RGS1: variants seen among roughly 807,000 people sequenced by gnomAD.
RGS1 encodes regulator of G protein signaling 1, also known as B-cell activation protein BL34.
A neutral mutation model predicts 22.2 loss-of-function variants in RGS1; 11 were observed. The ratio of observed to expected loss-of-function variants is 0.50; its 90% CI spans 0.31 to 0.82. The LOEUF (loss-of-function observed/expected upper bound fraction) is 0.82. Ranked by LOEUF, RGS1 falls within the 40% of genes least tolerant of loss-of-function variation. RGS1 has a pLI of 0.04. For missense variants in RGS1, 255 were observed against 245.8 expected (o/e 1.04, Z -0.25); for synonymous variants, 81 against 79.9 (o/e 1.01, Z -0.07).
chr1:192,576,774 A>T lies in RGS1; in HGVS notation c.219A>T (p.Val73=). 1 of 1,611,478 alleles carries T rather than the reference A, an allele frequency of 6.2e-7. No individual in the cohort carries two copies. The highest frequency in any genetic ancestry group is 8.5e-7 in the Non-Finnish European group (1 of 1,178,720). Residue 73 remains valine (V), a splice_region_variant and synonymous_variant, in exon 3 of 5, where the codon GTA becomes GTT. Coordinates refer to ENST00000367459, the MANE Select transcript of RGS1 (RefSeq NM_002922.4). Reference sequence around the variant, plus strand: ...TGTATGTACATTTTGTCCCCTGCAGACTTTCTGCTGCTGAAGTAATGCAAT... The same window carrying T: ...TGTATGTACATTTTGTCCCCTGCAGTCTTTCTGCTGCTGAAGTAATGCAAT... ...SGMKSSKSKD[V]LSAAEVMQWS...
chr1:192,576,961 A>G, intron 3 of RGS1, 126 bp downstream of exon 3: 1 of 757,474 alleles, frequency 1.3e-6, no homozygotes, highest in Non-Finnish European at 2.1e-6. Flanking sequence ...GTCTGTAGTT[A>G]CTGATAACTT....
intron 3 of RGS1, chr1:192,577,513 A>T (rs1042679760): frequency 6.6e-6 from 1 of 152,322 alleles, no homozygotes; most frequent in East Asian, 1.9e-4. Flanking sequence ...TTCTACTGAG[A>T]TTAGGACCTT....
rs1662050522 is a variant in RGS1 at position 192,575,909 on chromosome 1, A to C, written c.117A>C (p.Gln39His). 3 of 1,613,160 alleles carry C rather than the reference A, an allele frequency of 1.9e-6. No individual in the cohort carries two copies. The East Asian group carries it at 6.7e-5, about 36-fold the overall frequency. Residue 39 changes from glutamine (Q) to histidine (H), a missense_variant, in exon 1 of 5, where the codon CAA becomes CAC. Gln to His is a conservative substitution (Grantham distance 24). Transcript: ENST00000367459. ...ATTCACTTCTAGACGACAAAATGCA[A>C]AAAAGGAGGCCAAAGACTTTGTAAG... ...TTHSLLDDKM[Q>H]KRRPKTFGMD...
Position 192,576,835 on chromosome 1 carries a change from A to C in RGS1, c.280A>C (p.Thr94Pro). Residue 94 changes from threonine (T) to proline (P), a missense_variant and splice_region_variant, in exon 3 of 5, where the codon ACT becomes CCT. Coordinates refer to ENST00000367459, the MANE Select transcript of RGS1 (RefSeq NM_002922.4). The stretch of plus-strand genomic sequence containing the variant: ...TCTGGAAAAACTTCTTGCCAACCAA[A>C]GTAAGTATAACTATTGAATGTTTCT... ...QSLEKLLANQ[T>P]GQNVFGSFLK... is the part of the protein sequence containing the mutation. The C allele has an allele frequency of 6.2e-7, 1 of 1,610,948 alleles. No homozygotes were observed.
chr1:192,579,923 T>C lies in RGS1; in HGVS notation c.*601T>C, dbSNP rs1453965579. ...GTGCTAATAATAAATGTGGATTTTGTATTAAAATATATAGAAGCAATTTCT... is the reference window on the plus strand; with the variant it reads ...GTGCTAATAATAAATGTGGATTTTGCATTAAAATATATAGAAGCAATTTCT... On this transcript the variant is annotated 3_prime_UTR_variant, in exon 5 of 5. Coordinates refer to ENST00000367459, the MANE Select transcript of RGS1 (RefSeq NM_002922.4). The C allele has an allele frequency of 6.6e-6, 1 of 152,166 alleles. No individual in the cohort carries two copies. The highest frequency in any genetic ancestry group is 2.4e-5 in the African/African-American group (1 of 41,452). The allele number at this position is 152,166 out of a possible 1,614,324, so 9.4% of individuals were successfully genotyped here. A position where few individuals can be genotyped will look rare whatever the true frequency, so the allele number is the denominator to read the frequency against.
intron 2 of RGS1, 125 bp downstream of exon 2, chr1:192,576,490 A>C (rs1462420888): frequency 1.4e-6 from 1 of 696,084 alleles, no homozygotes; most frequent in Non-Finnish European, 2.4e-6. Context: ...GTAACATGCC[A>C]AATAAAATTA....
rs1291181378 is a variant in RGS1 at position 192,576,270 on chromosome 1, T to C, written c.138-15T>C. On this transcript the variant is annotated splice_polypyrimidine_tract_variant and intron_variant, in intron 1 of 4. Coordinates refer to ENST00000367459, the MANE Select transcript of RGS1 (RefSeq NM_002922.4). ...TCTGAAGAAATATGAATATTCACTT[T>C]TATGTCTTTTGTAGTGGAATGGATA... The C allele has an allele frequency of 5.8e-6, 9 of 1,553,102 alleles. No individual in the cohort carries two copies. The highest frequency in any genetic ancestry group is 3.5e-6 in the Non-Finnish European group (4 of 1,129,744).
intron 4 of RGS1, chr1:192,578,596 C>T: frequency 1.6e-6 from 1 of 619,562 alleles, no homozygotes. Context: ...ACTGATTTTA[C>T]AAAACCAGCT....
At position 192,579,200 on chromosome 1, in the gene RGS1, T is replaced by C; in HGVS notation, c.508T>C (p.Cys170Arg). 2 of 1,613,354 alleles carry C rather than the reference T, an allele frequency of 1.2e-6. No homozygotes were observed. Among genetic ancestry groups the C allele is most frequent in the Non-Finnish European group, 1.7e-6 (2 of 1,179,504 alleles). ...AKKIKAPTPT[C>R]FDEAQKVIYT... ...GAAGATTAAAGCACCAACCCCCACG[T>C]GTTTTGATGAAGCACAAAAAGTCAT... The change falls in exon 5 of 5, where the codon TGT becomes CGT. Residue 170 changes from cysteine (C) to arginine (R), a missense_variant. Transcript: ENST00000367459.
intron 3 of RGS1, chr1:192,577,744 A>T (rs1314423480): frequency 6.2e-6 from 1 of 160,532 alleles, no homozygotes; most frequent in African/African-American, 2.4e-5. Context: ...CATAATTAGT[A>T]CATCAGGCCT....
Position 192,578,420 on chromosome 1 carries a change from T to A in RGS1, c.444+35T>A, listed in dbSNP as rs547211722. ...AAGCTTATCATCATCAGTTTCTCCA[T>A]AAAAGACCCTATATGCAGAAATAAC... On this transcript the variant is annotated intron_variant, in intron 4 of 4. Transcript: ENST00000367459. 6.6e-5 allele frequency: 106 copies of A among 1,605,144 alleles called. 2 individuals carry two copies. The South Asian group carries it at 1.0e-3, about 16-fold the overall frequency.
At position 192,579,319 on chromosome 1, in the gene RGS1, G is replaced by A; in HGVS notation, c.627G>A (p.Lys209=). The part of the protein sequence containing the change: ...LLNDLQANSL[K] The stretch of plus-strand genomic sequence containing the variant: ...ATGACCTGCAGGCTAATAGCCTAAA[G>A]TGACTGGTCCCTGGCTGAAGGGAAT... Residue 209 remains lysine (K), a synonymous_variant, in exon 5 of 5, where the codon AAG becomes AAA. Transcript: ENST00000367459. The A allele has an allele frequency of 2.5e-6, 4 of 1,612,418 alleles. No individual in the cohort carries two copies. Among genetic ancestry groups the A allele is most frequent in the Non-Finnish European group, 3.4e-6 (4 of 1,179,046 alleles).
At position 192,578,172 on chromosome 1, in the gene RGS1, T is replaced by C. The variant is rs745812628; in HGVS notation, c.281-50T>C. The C allele has an allele frequency of 2.6e-6, 4 of 1,553,326 alleles. No individual in the cohort carries two copies. The African/African-American group carries it at 5.5e-5, about 22-fold the overall frequency. ...TTTCTTCTTCAAATTATTCATTTGT[T>C]GGTTCATTTAATTTAATTATCTCCC... is the stretch of plus-strand genomic sequence containing the variant. On this transcript the variant is annotated intron_variant, in intron 3 of 4. Coordinates refer to ENST00000367459, the MANE Select transcript of RGS1 (RefSeq NM_002922.4).
rs771355998 is a variant in RGS1 at position 192,578,452 on chromosome 1, T to C, written c.444+67T>C. 4.5e-6 allele frequency: 7 copies of C among 1,544,982 alleles called. No homozygotes were observed. In the East Asian group the frequency reaches 1.1e-4, roughly 25 times the overall value. On this transcript the variant is annotated intron_variant, in intron 4 of 4. Transcript: ENST00000367459. ...CCCTATATGCAGAAATAACATTTAA[T>C]ATATACAACAAGATAAAATCCTTTT...
chr1:192,577,054 G>T, intron 3 of RGS1: 1 of 409,740 alleles, frequency 2.4e-6, no homozygotes, highest in Non-Finnish European at 4.3e-6. Context: ...AGACAATTAG[G>T]TATTTTCATA....
chr1:192,576,427 C>T, intron 2 of RGS1, 62 bp downstream of exon 2: 1 of 1,219,486 alleles, frequency 8.2e-7, no homozygotes, highest in Non-Finnish European at 1.2e-6. Context: ...TGCATTATCT[C>T]TATATCCCAG....
At chr1:192,577,150 C>T in intron 3 of RGS1, 1 of 256,948 alleles carries the variant, frequency 3.9e-6, no homozygotes, top group Non-Finnish European at 7.3e-6. Flanking sequence ...TTAATATGTA[C>T]ATTGCCATTT....
At position 192,579,302 on chromosome 1, in the gene RGS1, C is replaced by T. The variant is rs756727811; in HGVS notation, c.610C>T (p.Gln204Ter). 8 of 1,612,700 alleles carry T rather than the reference C, an allele frequency of 5.0e-6. No homozygotes were observed. The highest frequency in any genetic ancestry group is 5.9e-6 in the Non-Finnish European group (7 of 1,179,178). ...TTACTTAAATCTTCTAAATGACCTGCAGGCTAATAGCCTAAAGTGACTGGT... is the reference window on the plus strand; with the variant it reads ...TTACTTAAATCTTCTAAATGACCTGTAGGCTAATAGCCTAAAGTGACTGGT... The part of the protein sequence containing the change: ...DIYLNLLNDL[Q>*]ANSLK The change falls in exon 5 of 5, where the codon CAG (glutamine) becomes TAG (stop). Residue 204 changes from glutamine to a stop codon, truncating the protein, a stop_gained. Transcript: ENST00000367459. LOFTEE classifies it high-confidence loss of function.
intron 4 of RGS1, chr1:192,578,770 T>C: frequency 2.7e-6 from 1 of 371,264 alleles, no homozygotes; most frequent in Non-Finnish European, 4.8e-6. Flanking sequence ...TATTACCAGA[T>C]AAATATTCTT....
Sources: allele counts gnomAD v4.1 joint callset, GRCh38; gene constraint gnomAD v4.1.1; transcripts MANE v1.5; gene names NCBI Gene and HGNC (gene_info 2026-07-23, HGNC 2026-07-21).